The following DPYD variants were observed in gnomAD, a reference collection of about 807,000 sequenced individuals.
DPYD encodes the protein dihydropyrimidine dehydrogenase, also known as dihydropyrimidine dehydrogenase [NADP(+)].
In DPYD, 109 loss-of-function variants were observed where a neutral mutation model predicts 116.2. The ratio of observed to expected loss-of-function variants is 0.94; its 90% CI spans 0.80 to 1.10. The LOEUF is 1.10. Among genes scored for constraint, DPYD ranks in the 50% least tolerant of loss-of-function variants. DPYD has a pLI of 0.00. For synonymous variants in DPYD, 440 were observed against 432.0 expected (o/e 1.02, Z -0.23); for missense variants, 1,302 against 1,254.5 (o/e 1.04, Z -0.57).
intron 12 of DPYD, among the ~76,000 whole-genome samples, chr1:97,539,940 A>C (rs1263566239): frequency 6.6e-6 from 1 of 152,164 alleles, no homozygotes. Context: ...ATACTAGAAC[A>C]AAGTAAGTGC....
intron 18 of DPYD, among the ~76,000 whole-genome samples, chr1:97,269,116 G>A (rs1040866002): frequency 2.0e-5 from 3 of 152,010 alleles, no homozygotes; most frequent in Non-Finnish European, 1.5e-5. Flanking sequence ...TGTCTTCCAC[G>A]AAATCCTAGA....
At chr1:97,323,937 A>G (rs1301499189) in intron 16 of DPYD, among the ~76,000 whole-genome samples, 2 of 151,838 alleles carry the variant, frequency 1.3e-5, no homozygotes, top group Admixed American at 6.6e-5. Context: ...CTGTCTTGCA[A>G]CCAAAAAACC....
intron 18 of DPYD, among the ~76,000 whole-genome samples, chr1:97,264,519 T>C (rs1410524447): frequency 6.6e-6 from 1 of 152,048 alleles, no homozygotes; most frequent in African/African-American, 2.4e-5. Flanking sequence ...AAAATTCCAG[T>C]GATTTGTCGA....
intron 14 of DPYD, among the ~76,000 whole-genome samples, chr1:97,384,212 C>A (rs575065440): frequency 1.1e-4 from 16 of 150,304 alleles, no homozygotes; most frequent in South Asian, 8.4e-4. Context: ...AGCCACTGTG[C>A]TCTCACTACA....
At chr1:97,637,590 CAT>C (rs1370599851) in intron 8 of DPYD, among the ~76,000 whole-genome samples, 3 of 151,630 alleles carry the variant, frequency 2.0e-5, no homozygotes, top group Non-Finnish European at 2.9e-5. Context: ...GACCAGGAGA[CAT>C]ATATATTATT....
intron 13 of DPYD, among the ~76,000 whole-genome samples, chr1:97,451,712 G>C (rs1329936696): frequency 6.6e-6 from 1 of 152,114 alleles, no homozygotes; most frequent in African/African-American, 2.4e-5. Flanking sequence ...GTCCCTACAG[G>C]TGGCTCTGTG....
intron 13 of DPYD, among the ~76,000 whole-genome samples, chr1:97,456,462 A>G (rs558300037): frequency 3.9e-5 from 6 of 151,996 alleles, no homozygotes; most frequent in Non-Finnish European, 8.8e-5. Flanking sequence ...CTCAGTTCAT[A>G]TGATAGAATA....
chr1:97,730,653 C>A (rs957824159), intron 4 of DPYD, among the ~76,000 whole-genome samples: 3 of 151,676 alleles, frequency 2.0e-5, no homozygotes, highest in Non-Finnish European at 2.9e-5. Flanking sequence ...CCCACTTTAT[C>A]CAGGGAAAAT....
In DPYD at chr1:97,532,583, T is replaced by C. The variant is rs187392539; in HGVS notation, c.1525-16642A>G. Among the ~76,000 whole-genome samples, 11 of 152,270 alleles carry C rather than the reference T, an allele frequency of 7.2e-5. 1 individual carries two copies. Among genetic ancestry groups the C allele is most frequent in the Admixed American group, 7.2e-4 (11 of 15,300 alleles). On this transcript the variant is annotated intron_variant, in intron 12 of 22. Transcript: ENST00000370192. Reference sequence around the variant, plus strand: ...TTGTTATTGGTCTTTTCAGGTTTTCTATTTCTTCTTAATTCTGTCTTTATA... The same window carrying C: ...TTGTTATTGGTCTTTTCAGGTTTTCCATTTCTTCTTAATTCTGTCTTTATA...
intron 2 of DPYD, among the ~76,000 whole-genome samples, chr1:97,872,198 G>T (rs1373629986): frequency 6.6e-6 from 1 of 151,918 alleles, no homozygotes; most frequent in Non-Finnish European, 1.5e-5. Flanking sequence ...AGGAAGCTGT[G>T]AAGGGAAAAT....
intron 13 of DPYD, among the ~76,000 whole-genome samples, chr1:97,464,777 G>A (rs558510056): frequency 1.6e-4 from 24 of 152,160 alleles, no homozygotes; most frequent in African/African-American, 5.6e-4. Context: ...CTGCAGGGAC[G>A]GGACCCTCAT....
intron 20 of DPYD, among the ~76,000 whole-genome samples, chr1:97,158,783 T>G (rs971446896): frequency 1.3e-5 from 2 of 152,106 alleles, no homozygotes; most frequent in African/African-American, 4.8e-5. Context: ...ATTCTGCATA[T>G]GTATTCTACC....
At chr1:97,739,955 TAAAC>T (rs1664171265) in intron 4 of DPYD, among the ~76,000 whole-genome samples, 1 of 152,120 alleles carries the variant, frequency 6.6e-6, no homozygotes, top group Non-Finnish European at 1.5e-5. Context: ...TTTCAAGTCT[TAAAC>T]ATATTAACTG....
At chr1:97,771,593 T>C (rs1024770015) in intron 3 of DPYD, among the ~76,000 whole-genome samples, 4 of 152,184 alleles carry the variant, frequency 2.6e-5, no homozygotes, top group Non-Finnish European at 4.4e-5. Context: ...TGATTCTGAA[T>C]AATAATTGTA....
intron 1 of DPYD, among the ~76,000 whole-genome samples, chr1:97,892,833 T>C (rs999224127): frequency 2.0e-5 from 3 of 151,844 alleles, no homozygotes; most frequent in Non-Finnish European, 4.4e-5. Context: ...TCCTAAATCT[T>C]ACAACTTTCA....
At chr1:97,490,007 C>A (rs902385917) in intron 13 of DPYD, among the ~76,000 whole-genome samples, 3 of 152,052 alleles carry the variant, frequency 2.0e-5, no homozygotes, top group Admixed American at 6.6e-5. Context: ...ACAATGTGTT[C>A]CTGGTTGCGC....
intron 18 of DPYD, among the ~76,000 whole-genome samples, chr1:97,290,218 C>T (rs539090924): frequency 5.3e-5 from 8 of 152,276 alleles, no homozygotes; most frequent in African/African-American, 1.9e-4. Context: ...ATTCCATGCT[C>T]ATGGGTAGGA....
At chr1:97,731,378 ATT>A (rs1663601270) in intron 4 of DPYD, among the ~76,000 whole-genome samples, 1 of 152,096 alleles carries the variant, frequency 6.6e-6, no homozygotes, top group Non-Finnish European at 1.5e-5. Context: ...GATTCTAATA[ATT>A]TACTTTAAAA....
chr1:97,277,438 C>A (rs1665014009), intron 18 of DPYD, among the ~76,000 whole-genome samples: 1 of 151,980 alleles, frequency 6.6e-6, no homozygotes, highest in African/African-American at 2.4e-5. Flanking sequence ...AAATGCCCCT[C>A]AAATCAGAAA....
Sources: allele counts gnomAD v4.1 joint callset (sites outside exome capture counted in the v4.1 genomes callset), GRCh38; gene constraint gnomAD v4.1.1; transcripts MANE v1.5; gene names NCBI Gene and HGNC (gene_info 2026-07-23, HGNC 2026-07-21).